The following RC3H2 variants were observed in gnomAD, a reference collection of about 807,000 sequenced individuals.
The protein encoded by RC3H2 is ring finger and CCCH-type domains 2.
RC3H2 carries 31 observed loss-of-function variants against 133.3 expected under a neutral mutation model. The observed-to-expected ratio is 0.23, with a 90% CI of 0.17 to 0.31. The LOEUF is 0.31. RC3H2 is among the 10% of genes least tolerant of loss of function. RC3H2 has a pLI of 1.00. For synonymous variants in RC3H2, 517 were observed against 502.2 expected, an observed-to-expected ratio of 1.03 and a Z score of -0.40; for missense variants, 1,175 against 1,437.2, an observed-to-expected ratio of 0.82 and a Z score of 2.95.
In RC3H2 at chr9:122,847,708, G is replaced by C. The variant is rs1464812644; in HGVS notation, c.*1919C>G. 4 of 152,088 alleles carry C rather than the reference G, an allele frequency of 2.6e-5. No homozygotes were observed. The highest frequency in any genetic ancestry group is 9.7e-5 in the African/African-American group (4 of 41,420). The allele number at this position is 152,088 out of a possible 1,614,324, so 9.4% of individuals were successfully genotyped here. ...GTTCCTATTCATTTCAGGTTACAGA[G>C]TGAAATAAATAAAATGTCTTCATAG... is the stretch of plus-strand genomic sequence containing the variant. On this transcript the variant is annotated 3_prime_UTR_variant, in exon 21 of 21. Transcript: ENST00000357244.
rs1314680930 is a variant in RC3H2, at chr9:122,844,868, A to T, written c.*4759T>A. 2.0e-5 allele frequency: 3 copies of T among 152,222 alleles called. No homozygotes were observed. The highest frequency in any genetic ancestry group is 6.5e-5 in the Admixed American group (1 of 15,288). The allele number at this position is 152,222 out of a possible 1,614,324, so 9.4% of individuals were successfully genotyped here. Reference sequence around the variant, plus strand: ...GGAAACATTACAATTTGGAAATTCAAATTGAAATAAATGGAATAGAATTTA... The same window carrying T: ...GGAAACATTACAATTTGGAAATTCATATTGAAATAAATGGAATAGAATTTA... On this transcript the variant is annotated 3_prime_UTR_variant, in exon 21 of 21. Transcript: ENST00000357244.
At chr9:122,897,142 G>A in intron 2 of RC3H2, 137 bp downstream of exon 2, 1 of 697,164 alleles carries the variant, frequency 1.4e-6, no homozygotes, top group East Asian at 2.7e-5. Context: ...TTTTAAGGAA[G>A]TTTATGAATT....
chr9:122,852,389 C>T (rs1292042548), intron 18 of RC3H2, among the ~76,000 whole-genome samples: 1 of 151,362 alleles, frequency 6.6e-6, no homozygotes, highest in African/African-American at 2.4e-5. Flanking sequence ...GGCAGCCGCC[C>T]CGTCCGGGAG....
intron 10 of RC3H2, among the ~76,000 whole-genome samples, chr9:122,863,760 G>A (rs1040044864): frequency 3.9e-4 from 59 of 151,360 alleles, no homozygotes; most frequent in Non-Finnish European, 1.0e-4. Context: ...TTTTGAGATG[G>A]AGTCTCACTC....
chr9:122,891,781 G>A (rs1832187689), intron 3 of RC3H2, among the ~76,000 whole-genome samples: 1 of 152,118 alleles, frequency 6.6e-6, no homozygotes, highest in South Asian at 2.1e-4. Flanking sequence ...CATTCAACAG[G>A]TACAAAATAC....
In RC3H2 at chr9:122,845,486, T is replaced by C. The variant is rs573297842; in HGVS notation, c.*4141A>G. ...AAATGACCTTGGCTTTTGGCAGTAC[T>C]AAGTGCAGCCAGTGTCTGTGTTCCA... On this transcript the variant is annotated 3_prime_UTR_variant, in exon 21 of 21. Transcript: ENST00000357244. The C allele has an allele frequency of 9.2e-5, 14 of 152,312 alleles. No individual in the cohort carries two copies. Among genetic ancestry groups the C allele is most frequent in the African/African-American group, 3.4e-4 (14 of 41,570 alleles). The allele number at this position is 152,312 out of a possible 1,614,324, so 9.4% of individuals were successfully genotyped here.
intron 4 of RC3H2, among the ~76,000 whole-genome samples, chr9:122,883,737 G>A (rs190868279): frequency 7.2e-5 from 11 of 152,188 alleles, no homozygotes; most frequent in Admixed American, 5.2e-4. Flanking sequence ...ATCCCAGCAC[G>A]TTGAGAGGCC....
intron 10 of RC3H2, among the ~76,000 whole-genome samples, chr9:122,861,885 T>C (rs733329): frequency 0.23 from 34,335 of 152,146 alleles, 5,262 homozygotes; most frequent in East Asian, 0.65. Flanking sequence ...CGTAAGGGTT[T>C]AGAGTATAAA....
At chr9:122,854,833 G>C (rs1296119963) in intron 15 of RC3H2, among the ~76,000 whole-genome samples, 1 of 152,212 alleles carries the variant, frequency 6.6e-6, no homozygotes, top group African/African-American at 2.4e-5. Flanking sequence ...GACAGGCACA[G>C]TGGCTCACAT....
intron 9 of RC3H2, among the ~76,000 whole-genome samples, chr9:122,866,708 TCAGTGGTGCCCAGGCTGGAGTG>T (rs1178206933): frequency 6.6e-6 from 1 of 152,130 alleles, no homozygotes; most frequent in Non-Finnish European, 1.5e-5. Flanking sequence ...CACTCAGTGC[TCAGTGGTGCCCAGGCTGGAGTG>T]CAGTGGTGTG....
intron 18 of RC3H2, among the ~76,000 whole-genome samples, chr9:122,852,284 G>A (rs1191325831): frequency 2.7e-5 from 4 of 150,788 alleles, no homozygotes; most frequent in Admixed American, 6.6e-5. Context: ...TGAGAAGTGA[G>A]GAGCCTCTCC....
intron 1 of RC3H2, 81 bp from the exon 2 acceptor site, chr9:122,897,657 A>C: frequency 3.2e-6 from 3 of 924,424 alleles, no homozygotes; most frequent in South Asian, 3.7e-5. Context: ...CAACTATTAC[A>C]GCTTCAGACC....
In RC3H2 at chr9:122,854,519, G is replaced by C. The variant is rs1393910425; in HGVS notation, c.2900+12C>G. 1.3e-6 allele frequency: 2 copies of C among 1,596,782 alleles called. No individual in the cohort carries two copies. The highest frequency in any genetic ancestry group is 1.3e-5 in the African/African-American group (1 of 74,658). ...AGAATGGAGAATCATATAGAATTAA[G>C]AAGAACGTTACCTTTCAACATAGTG... On this transcript the variant is annotated intron_variant, in intron 16 of 20. Transcript: ENST00000357244.
chr9:122,860,717 A>C (rs921477154), intron 10 of RC3H2, among the ~76,000 whole-genome samples: 1 of 151,726 alleles, frequency 6.6e-6, no homozygotes, highest in African/African-American at 2.4e-5. Context: ...CCTGGCCATT[A>C]CTCATTCTTT....
intron 9 of RC3H2, among the ~76,000 whole-genome samples, chr9:122,875,619 T>C (rs1831301300): frequency 6.6e-6 from 1 of 152,126 alleles, no homozygotes; most frequent in Non-Finnish European, 1.5e-5. Flanking sequence ...ATGTGATAAG[T>C]GTTTGAAAGA....
At chr9:122,866,549 C>T (rs1394648590) in intron 9 of RC3H2, among the ~76,000 whole-genome samples, 1 of 152,106 alleles carries the variant, frequency 6.6e-6, no homozygotes, top group Non-Finnish European at 1.5e-5. Context: ...CGATTGCAGG[C>T]GCGCGCCGCC....
chr9:122,886,457 A>G (rs972889579), intron 4 of RC3H2, among the ~76,000 whole-genome samples: 2 of 152,204 alleles, frequency 1.3e-5, no homozygotes, highest in Non-Finnish European at 2.9e-5. Flanking sequence ...TAATTGTTTA[A>G]CTTTTTAAGG....
chr9:122,856,177 G>GA (rs1157234080), intron 13 of RC3H2, among the ~76,000 whole-genome samples: 8 of 146,712 alleles, frequency 5.5e-5, no homozygotes, highest in African/African-American at 7.5e-5. Context: ...GGTGCACCAA[G>GA]AAAAAAAAAA....
At chr9:122,863,003 G>A (rs533641388) in intron 10 of RC3H2, among the ~76,000 whole-genome samples, 1 of 152,006 alleles carries the variant, frequency 6.6e-6, no homozygotes, top group South Asian at 2.1e-4. Context: ...TATTCACAAG[G>A]CTGTCCAATT....
Sources: allele counts gnomAD v4.1 joint callset (sites outside exome capture counted in the v4.1 genomes callset), GRCh38; gene constraint gnomAD v4.1.1; transcripts MANE v1.5; gene names NCBI Gene and HGNC (gene_info 2026-07-23, HGNC 2026-07-21).